Variants in SEC14L6 observed in about 807,000 individuals in gnomAD.
SEC14L6 encodes the protein SEC14 like lipid binding 6.
A neutral mutation model predicts 54.1 loss-of-function variants in SEC14L6; 40 were observed. The observed-to-expected ratio is 0.74, with a 90% CI of 0.57 to 0.96. SEC14L6 has a LOEUF of 0.96. Among genes scored for constraint, SEC14L6 ranks in the 40% least tolerant of loss-of-function variants. The probability of loss-of-function intolerance (pLI) is 0.00; values close to 1 mark genes in which losing one functional copy is unlikely to be tolerated. For missense variants in SEC14L6, 471 were observed against 498.3 expected, an observed-to-expected ratio of 0.95 and a Z score of 0.52; for synonymous variants, 171 against 198.4, an observed-to-expected ratio of 0.86 and a Z score of 1.16.
intron 1 of SEC14L6, among the ~76,000 whole-genome samples, chr22:30,540,342 A>G (rs1726970969): frequency 6.7e-6 from 1 of 150,108 alleles, no homozygotes; most frequent in Admixed American, 6.6e-5. Flanking sequence ...TTCCTGATGC[A>G]GAACACTGCC....
rs1243725552 is a variant in SEC14L6 at position 30,531,938 on chromosome 22, C to A, written c.484G>T (p.Asp162Tyr). Residue 162 changes from aspartate to tyrosine, a missense_variant, in exon 6 of 12, where the codon GAT becomes TAT. Coordinates refer to ENST00000402034, the MANE Select transcript of SEC14L6 (RefSeq NM_001193336.4). ...AGCTCTATTCCTGGCTTCCACAGAT[C>A]CCTCAGGCCCAGCCCTTCGAGACCA... ...IFGLEGLGLR[D>Y]LWKPGIELLQ... 3 of 1,550,830 alleles carry A rather than the reference C, an allele frequency of 1.9e-6. No individual in the cohort carries two copies. Among genetic ancestry groups the A allele is most frequent in the Non-Finnish European group, 2.6e-6 (3 of 1,147,032 alleles).
Position 30,531,940 on chromosome 22 carries a change from C to T in SEC14L6, c.482G>A (p.Arg161Lys). The T allele has an allele frequency of 6.4e-7, 1 of 1,550,870 alleles. No individual in the cohort carries two copies. Among genetic ancestry groups the T allele is most frequent in the Admixed American group, 2.0e-5 (1 of 50,994 alleles). ...CTCTATTCCTGGCTTCCACAGATCC[C>T]TCAGGCCCAGCCCTTCGAGACCAAA... ...AIFGLEGLGL[R>K]DLWKPGIELL... The change falls in exon 6 of 12, where the codon AGG becomes AAG. Residue 161 changes from arginine to lysine, a missense_variant. Transcript: ENST00000402034.
intron 1 of SEC14L6, chr22:30,543,875 A>G: frequency 6.4e-7 from 1 of 1,558,546 alleles, no homozygotes; most frequent in Non-Finnish European, 8.8e-7. Flanking sequence ...AACCTGCCCA[A>G]GGGGAAGAAG....
chr22:30,546,519 G>T, intron 1 of SEC14L6, 110 bp downstream of exon 1: 1 of 993,794 alleles, frequency 1.0e-6, no homozygotes, highest in Non-Finnish European at 1.5e-6. Flanking sequence ...GGGTTGGGAA[G>T]AGACCCAGAG....
chr22:30,545,147 G>T (rs544009701), intron 1 of SEC14L6, among the ~76,000 whole-genome samples: 6 of 152,152 alleles, frequency 3.9e-5, no homozygotes, highest in Admixed American at 2.6e-4. Context: ...GACCACGAAG[G>T]AAAGACCCTA....
intron 2 of SEC14L6, 84 bp from the exon 3 acceptor site, chr22:30,534,123 T>C (rs1383759498): frequency 3.0e-6 from 4 of 1,334,832 alleles, no homozygotes; most frequent in Non-Finnish European, 2.1e-6. Context: ...TGCCCCACCC[T>C]CCAGGCCAGC....
chr22:30,531,441 C>T (rs201231725), intron 6 of SEC14L6, among the ~76,000 whole-genome samples: 15 of 148,642 alleles, frequency 1.0e-4, no homozygotes, highest in African/African-American at 3.5e-4. Flanking sequence ...AAAAAAAAAA[C>T]GGGCCAGGCA....
chr22:30,537,499 G>C (rs1173858613), intron 2 of SEC14L6, among the ~76,000 whole-genome samples: 1 of 151,958 alleles, frequency 6.6e-6, no homozygotes, highest in Non-Finnish European at 1.5e-5. Flanking sequence ...AGCTCCTATA[G>C]TCCCAGCTAC....
chr22:30,532,938 C>T, intron 3 of SEC14L6, 82 bp from the exon 4 acceptor site: 1 of 1,560,218 alleles, frequency 6.4e-7, no homozygotes, highest in Non-Finnish European at 8.7e-7. Flanking sequence ...CAGGCCAGGT[C>T]CCTCTGCCTG....
chr22:30,527,961 G>C (rs567919812), intron 8 of SEC14L6, among the ~76,000 whole-genome samples: 2 of 151,888 alleles, frequency 1.3e-5, no homozygotes, highest in Non-Finnish European at 2.9e-5. Flanking sequence ...TATATGTATG[G>C]TATGAACCCA....
chr22:30,528,861 G>A (rs1471004987), intron 8 of SEC14L6, among the ~76,000 whole-genome samples: 4 of 151,882 alleles, frequency 2.6e-5, no homozygotes, highest in East Asian at 1.9e-4. Context: ...ACCTCAAATC[G>A]GGATCTCTAC....
intron 1 of SEC14L6, chr22:30,543,136 C>G (rs982978966): frequency 1.2e-6 from 2 of 1,603,514 alleles, no homozygotes; most frequent in South Asian, 2.2e-5. Context: ...AAATGGGAAT[C>G]AGCTCTCAGA....
In SEC14L6 at chr22:30,546,702, A is replaced by G. The variant is rs1487864961; in HGVS notation, c.-20T>C. On this transcript the variant is annotated 5_prime_UTR_variant, in exon 1 of 12. Transcript: ENST00000402034. ...ACTCATGCTGCCCATGAATGGGTCC[A>G]GGCTCCACTCTGTGGCTCCCTCCAG... is the stretch of plus-strand genomic sequence containing the variant. 6.5e-7 allele frequency: 1 copy of G among 1,549,558 alleles called. No homozygotes were observed. The highest frequency in any genetic ancestry group is 8.7e-7 in the Non-Finnish European group (1 of 1,146,198).
rs1936661141 is a variant in SEC14L6 at position 30,523,228 on chromosome 22, G to T, written c.*1769C>A. On this transcript the variant is annotated 3_prime_UTR_variant, in exon 12 of 12. Coordinates refer to ENST00000402034, the MANE Select transcript of SEC14L6 (RefSeq NM_001193336.4). ...TTGAGAACAAGCTGGGACAACATGT[G>T]AGTGACAGGATCCTGGGCAGAATCT... The T allele has an allele frequency of 6.6e-6, 1 of 152,212 alleles. No homozygotes were observed. Among genetic ancestry groups the T allele is most frequent in the Non-Finnish European group, 1.5e-5 (1 of 68,054 alleles). 9.4% of individuals were successfully genotyped at this position (152,212 alleles called of 1,614,324 possible).
chr22:30,528,457 T>G (rs1936856020), intron 8 of SEC14L6, among the ~76,000 whole-genome samples: 1 of 129,250 alleles, frequency 7.7e-6, no homozygotes, highest in Non-Finnish European at 1.6e-5. Flanking sequence ...AGGGTCGCAC[T>G]CTGTCACTCA....
chr22:30,529,132 A>G lies in SEC14L6; in HGVS notation c.619T>C (p.Ser207Pro), dbSNP rs1468289713. The G allele has an allele frequency of 1.3e-6, 2 of 1,550,934 alleles. No homozygotes were observed. The highest frequency in any genetic ancestry group is 1.2e-5 in the South Asian group (1 of 84,040). ...LFAVAFNLVK[S>P]YMSEETRRKV... is the part of the protein sequence containing the mutation. ...CTGCGTGTCTCTTCACTCATGTAAGACTTGACCAGGTTGAAGGCTACGGCG... is the reference window on the plus strand; with the variant it reads ...CTGCGTGTCTCTTCACTCATGTAAGGCTTGACCAGGTTGAAGGCTACGGCG... The change falls in exon 8 of 12, where the codon TCT becomes CCT. Residue 207 changes from serine (S) to proline (P), a missense_variant. Physicochemically the swap from Ser to Pro is moderately conservative, Grantham distance 74 (BLOSUM62 -1). Transcript: ENST00000402034.
At chr22:30,529,672 G>C (rs900324492) in intron 6 of SEC14L6, among the ~76,000 whole-genome samples, 3 of 152,106 alleles carry the variant, frequency 2.0e-5, no homozygotes, top group Non-Finnish European at 2.9e-5. Context: ...TTGAACTCCT[G>C]GGCTCAAGTG....
At chr22:30,537,709 A>T (rs1487196642) in intron 2 of SEC14L6, among the ~76,000 whole-genome samples, 2 of 152,310 alleles carry the variant, frequency 1.3e-5, no homozygotes, top group African/African-American at 4.8e-5. Context: ...GCAAAGAGTA[A>T]CCTGAAGTCA....
At chr22:30,529,681 T>C (rs5749117) in intron 6 of SEC14L6, among the ~76,000 whole-genome samples, 14,258 of 152,204 alleles carry the variant, frequency 0.094, 1,448 homozygotes, top group African/African-American at 0.25. Context: ...TGGGCTCAAG[T>C]GATCCTCCCA....
Sources: gnomAD v4.1 joint callset for allele counts (sites outside exome capture counted in the v4.1 genomes callset) on GRCh38, gnomAD v4.1.1 for gene constraint, MANE v1.5 for transcripts, NCBI Gene and HGNC (gene_info 2026-07-23, HGNC 2026-07-21) for gene names.